Variants in CCDC171 observed in about 807,000 individuals in gnomAD.
CCDC171 encodes coiled-coil domain-containing protein 171.
Under a neutral mutation model 168.2 loss-of-function variants are expected in CCDC171, and 177 were observed. That is an observed-to-expected ratio of 1.05 (90% CI 0.93 to 1.19). CCDC171 has a LOEUF of 1.19. Ranked by LOEUF, CCDC171 falls within the 50% of genes most tolerant of loss-of-function variation. The pLI is 0.00. For synonymous variants in CCDC171, 687 were observed against 540.8 expected, an observed-to-expected ratio of 1.27 and a Z score of -3.75; for missense variants, 1,991 against 1,539.0, an observed-to-expected ratio of 1.29 and a Z score of -4.91.
intron 24 of CCDC171, among the ~76,000 whole-genome samples, chr9:15,880,676 G>A (rs1022370344): frequency 2.1e-5 from 3 of 144,118 alleles, no homozygotes; most frequent in African/African-American, 5.2e-5. Flanking sequence ...AGGTTTCACC[G>A]TGTTGGCCAG....
chr9:15,750,056 A>T (rs940576470), intron 18 of CCDC171, among the ~76,000 whole-genome samples: 1 of 151,550 alleles, frequency 6.6e-6, no homozygotes, highest in Non-Finnish European at 1.5e-5. Context: ...TTTTTAAAAG[A>T]TCAACAAAAT....
At chr9:15,596,372 G>T (rs1443169047) in intron 6 of CCDC171, among the ~76,000 whole-genome samples, 1 of 151,678 alleles carries the variant, frequency 6.6e-6, no homozygotes, top group Non-Finnish European at 1.5e-5. Flanking sequence ...TGGCTAGCCA[G>T]TTTTCCCAGC....
chr9:16,011,254 T>C (rs1239770707), intron 3 of CCDC171, among the ~76,000 whole-genome samples: 1 of 152,172 alleles, frequency 6.6e-6, no homozygotes, highest in Non-Finnish European at 1.5e-5. Context: ...GGCCCCTGGA[T>C]GGATTACCCT....
intron 24 of CCDC171, among the ~76,000 whole-genome samples, chr9:15,901,533 A>T (rs1010427617): frequency 6.6e-6 from 1 of 152,234 alleles, no homozygotes; most frequent in Non-Finnish European, 1.5e-5. Flanking sequence ...AAAAGTAAAT[A>T]TACCATAAAA....
chr9:16,067,328 A>G, the CCDC171 span, among the ~76,000 whole-genome samples: 1 of 151,750 alleles, frequency 6.6e-6, no homozygotes, highest in African/African-American at 2.4e-5. Flanking sequence ...TTTCTTGTAA[A>G]TTTGTTTGAG....
chr9:15,727,743 C>T, intron 14 of CCDC171, 126 bp from the exon 15 acceptor site: 1 of 620,876 alleles, frequency 1.6e-6, no homozygotes. Context: ...TTAAAATATT[C>T]TGAGACTTGA....
chr9:16,041,901 C>G (rs1252510725), upstream of CCDC171, among the ~76,000 whole-genome samples: 3 of 152,096 alleles, frequency 2.0e-5, no homozygotes, highest in Non-Finnish European at 4.4e-5. Context: ...ACACCATATT[C>G]TGAGCAAGTT....
rs780232082 is a variant in CCDC171 at position 15,778,979 on chromosome 9, A to G, written c.2910A>G (p.Ala970=). The G allele has an allele frequency of 2.0e-6, 3 of 1,526,284 alleles. No homozygotes were observed. Among genetic ancestry groups the G allele is most frequent in the East Asian group, 4.8e-5 (2 of 42,038 alleles). 94.5% of individuals were successfully genotyped at this position (1,526,284 alleles called of 1,614,324 possible). Residue 970 remains alanine, a synonymous_variant, in exon 20 of 26, where the codon GCA becomes GCG. Transcript: ENST00000380701. ...RGHVPITKST[A]SLQKQILGFT... Reference sequence around the variant, plus strand: ...TTGTTTAACAACAGAAAAGCACAGCATCGTTGCAGAAGCAAATACTTGGAT... The same window carrying G: ...TTGTTTAACAACAGAAAAGCACAGCGTCGTTGCAGAAGCAAATACTTGGAT...
At chr9:15,995,895 A>G (rs1029375638) in intron 3 of CCDC171, among the ~76,000 whole-genome samples, 3 of 152,166 alleles carry the variant, frequency 2.0e-5, no homozygotes, top group Admixed American at 6.5e-5. Flanking sequence ...CACTCTTTCA[A>G]TACACAATCC....
At chr9:15,874,470 A>G in intron 23 of CCDC171, 62 bp from the exon 24 acceptor site, 1 of 1,446,284 alleles carries the variant, frequency 6.9e-7, no homozygotes, top group Non-Finnish European at 9.3e-7. Context: ...AAGGGGACCC[A>G]GTTCATCCCA....
chr9:15,849,141 A>G (rs1390028970), intron 23 of CCDC171, among the ~76,000 whole-genome samples, 194 bp downstream of exon 23: 3 of 151,740 alleles, frequency 2.0e-5, no homozygotes, highest in Non-Finnish European at 4.4e-5. Flanking sequence ...CACTTTATAT[A>G]TCTATAAAAC....
At chr9:15,788,685 G>T (rs904255733) in intron 21 of CCDC171, among the ~76,000 whole-genome samples, 42 of 151,654 alleles carry the variant, frequency 2.8e-4, no homozygotes, top group Non-Finnish European at 5.7e-4. Flanking sequence ...AAGAAGCTGG[G>T]TCTACAGACA....
At chr9:15,982,912 A>T (rs71476243) in intron 3 of CCDC171, among the ~76,000 whole-genome samples, 9,623 of 152,250 alleles carry the variant, frequency 0.063, 407 homozygotes, top group Non-Finnish European at 0.095. Context: ...CAAGAAGGTG[A>T]TGCAGGGGTG....
intron 1 of CCDC171, among the ~76,000 whole-genome samples, chr9:16,058,655 C>G (rs1047518144): frequency 6.6e-6 from 1 of 152,198 alleles, no homozygotes; most frequent in South Asian, 2.1e-4. Context: ...AGCAAAGATA[C>G]CAATTCCCCG....
At chr9:15,861,644 C>T (rs1278163563) in intron 23 of CCDC171, among the ~76,000 whole-genome samples, 1 of 151,794 alleles carries the variant, frequency 6.6e-6, no homozygotes, top group African/African-American at 2.4e-5. Context: ...TTTACTCCTC[C>T]TACCTTCACA....
At chr9:15,582,416 C>T (rs929244346) in intron 4 of CCDC171, among the ~76,000 whole-genome samples, 8 of 152,130 alleles carry the variant, frequency 5.3e-5, no homozygotes, top group Non-Finnish European at 1.2e-4. Flanking sequence ...TTGACCCAGC[C>T]ATCCCATTGC....
intron 7 of CCDC171, among the ~76,000 whole-genome samples, chr9:15,632,933 G>C (rs201065357): frequency 1.3e-5 from 2 of 152,020 alleles, no homozygotes; most frequent in Non-Finnish European, 2.9e-5. Flanking sequence ...AGGATTCCCT[G>C]TTTAATAAAT....
intron 7 of CCDC171, among the ~76,000 whole-genome samples, chr9:15,646,264 GA>G (rs1464869531): frequency 6.6e-6 from 1 of 152,162 alleles, no homozygotes; most frequent in Non-Finnish European, 1.5e-5. Flanking sequence ...ACATGGAAAG[GA>G]AAAACTGATA....
the CCDC171 span, among the ~76,000 whole-genome samples, chr9:16,105,563 C>T: frequency 1.8e-4 from 27 of 152,242 alleles, no homozygotes; most frequent in Non-Finnish European, 2.4e-4. Flanking sequence ...GATGGATTTA[C>T]GGTAATGAAC....
Sources: gnomAD v4.1 joint callset for allele counts (sites outside exome capture counted in the v4.1 genomes callset) on GRCh38, gnomAD v4.1.1 for gene constraint, MANE v1.5 for transcripts, NCBI Gene and HGNC (gene_info 2026-07-23, HGNC 2026-07-21) for gene names.